The following SPAST variants were observed in gnomAD, a reference collection of about 807,000 sequenced individuals.
SPAST encodes spastic paraplegia 4 (autosomal dominant; spastin).
Under a neutral mutation model 76.6 loss-of-function variants are expected in SPAST, and 30 were observed. The ratio of observed to expected loss-of-function variants is 0.39; its 90% CI spans 0.29 to 0.53. The LOEUF is 0.53. Among genes scored for constraint, SPAST ranks in the 20% least tolerant of loss-of-function variants. The pLI is 0.68. For synonymous variants in SPAST, 305 were observed against 281.0 expected, an observed-to-expected ratio of 1.09 and a Z score of -0.86; for missense variants, 717 against 770.5, an observed-to-expected ratio of 0.93 and a Z score of 0.82.
intron 12 of SPAST, among the ~76,000 whole-genome samples, chr2:32,138,148 A>C (rs1260554467): frequency 6.6e-6 from 1 of 152,194 alleles, no homozygotes; most frequent in East Asian, 1.9e-4. Flanking sequence ...TTTTGGTATA[A>C]TGATCTATTT....
intron 7 of SPAST, chr2:32,126,715 G>C: frequency 4.6e-6 from 2 of 432,070 alleles, no homozygotes. Context: ...TTGAACTCTT[G>C]GGCTCATGTA....
chr2:32,080,538 G>A (rs938891459), intron 1 of SPAST, among the ~76,000 whole-genome samples: 1 of 151,714 alleles, frequency 6.6e-6, no homozygotes, highest in African/African-American at 2.4e-5. Flanking sequence ...GAATTTGAGT[G>A]TTATATGGGG....
At chr2:32,093,218 GGA>G (rs1188662117) in intron 3 of SPAST, among the ~76,000 whole-genome samples, 21 of 149,420 alleles carry the variant, frequency 1.4e-4, no homozygotes, top group African/African-American at 4.7e-4. Flanking sequence ...GGCTGAGGAA[GGA>G]GAATGGCGTG....
chr2:32,077,001 A>G (rs1676988106), intron 1 of SPAST, among the ~76,000 whole-genome samples: 1 of 151,616 alleles, frequency 6.6e-6, no homozygotes, highest in Admixed American at 6.6e-5. Context: ...TCAGCCTCCC[A>G]AGTAGCTGGA....
chr2:32,151,766 C>T (rs1319455236), intron 16 of SPAST, among the ~76,000 whole-genome samples: 4 of 152,082 alleles, frequency 2.6e-5, no homozygotes, highest in East Asian at 3.9e-4. Flanking sequence ...AAAAATTAGC[C>T]GGGCGTGGTG....
At position 32,116,103 on chromosome 2, in the gene SPAST, A is replaced by T. The variant is rs1214683197; in HGVS notation, c.1005-16A>T. ...CCTGTTTGTATCGTAGAACTAACTG[A>T]GGTCTTGTTTCTTAGTGGAACAGCT... On this transcript the variant is annotated splice_polypyrimidine_tract_variant and intron_variant, in intron 6 of 16. Transcript: ENST00000315285. The T allele has an allele frequency of 1.3e-6, 2 of 1,581,054 alleles. No homozygotes were observed. Among genetic ancestry groups the T allele is most frequent in the Non-Finnish European group, 1.7e-6 (2 of 1,150,076 alleles).
At chr2:32,080,791 T>TC (rs1475300442) in intron 1 of SPAST, among the ~76,000 whole-genome samples, 1 of 125,758 alleles carries the variant, frequency 8.0e-6, no homozygotes, top group Admixed American at 8.1e-5. Flanking sequence ...TTCTTTTTTT[T>TC]TTTTTTTTTT....
chr2:32,149,234 C>A (rs555619186), intron 16 of SPAST, among the ~76,000 whole-genome samples: 231 of 148,734 alleles, frequency 1.6e-3, no homozygotes, highest in Non-Finnish European at 2.9e-3. Flanking sequence ...AGATTACAGG[C>A]ATGGGCCACC....
chr2:32,154,036 T>G (rs552543863), intron 16 of SPAST, among the ~76,000 whole-genome samples: 21 of 152,286 alleles, frequency 1.4e-4, no homozygotes, highest in African/African-American at 4.6e-4. Context: ...GTGGTGAAAT[T>G]GTGATTCTTT....
In SPAST at chr2:32,157,285, T is replaced by C. The variant is rs926662289; in HGVS notation, c.*2789T>C. ...TCCAGATATCTTAAGGGTAAAAGCT[T>C]ATTCTAAGACAGTCTGTCCATTGAG... On this transcript the variant is annotated 3_prime_UTR_variant, in exon 17 of 17. Coordinates refer to ENST00000315285, the MANE Select transcript of SPAST (RefSeq NM_014946.4). 8 of 152,614 alleles carry C rather than the reference T, an allele frequency of 5.2e-5. No individual in the cohort carries two copies. The highest frequency in any genetic ancestry group is 9.6e-5 in the African/African-American group (4 of 41,452). The allele number at this position is 152,614 out of a possible 1,614,324, so 9.5% of individuals were successfully genotyped here.
chr2:32,079,920 C>T (rs1057267274), intron 1 of SPAST, among the ~76,000 whole-genome samples: 1 of 152,034 alleles, frequency 6.6e-6, no homozygotes, highest in African/African-American at 2.4e-5. Context: ...CTGTTTAAGT[C>T]CCGGCTTTCA....
At chr2:32,134,731 T>C (rs1679479872) in intron 9 of SPAST, among the ~76,000 whole-genome samples, 1 of 152,198 alleles carries the variant, frequency 6.6e-6, no homozygotes, top group Non-Finnish European at 1.5e-5. Flanking sequence ...GTCTCACTTT[T>C]TCGCCCCAGG....
At chr2:32,133,246 A>G (rs1248949549) in intron 9 of SPAST, among the ~76,000 whole-genome samples, 2 of 152,234 alleles carry the variant, frequency 1.3e-5, no homozygotes, top group African/African-American at 4.8e-5. Flanking sequence ...TGTTTATTGA[A>G]TAACTAACAT....
chr2:32,147,954 C>T (rs1296367326), intron 16 of SPAST, among the ~76,000 whole-genome samples: 4 of 107,860 alleles, frequency 3.7e-5, no homozygotes, highest in Admixed American at 1.1e-4. Flanking sequence ...TTTTTTGAGA[C>T]ACAGGGTCTT....
At chr2:32,124,830 T>C (rs1448747940) in intron 7 of SPAST, among the ~76,000 whole-genome samples, 3 of 152,212 alleles carry the variant, frequency 2.0e-5, no homozygotes, top group African/African-American at 7.2e-5. Flanking sequence ...TATGATGTTT[T>C]GGAAAAGGCA....
intron 9 of SPAST, 38 bp from the exon 10 acceptor site, chr2:32,136,525 G>T (rs1200224883): frequency 4.3e-6 from 6 of 1,389,598 alleles, no homozygotes; most frequent in Non-Finnish European, 5.1e-6. Flanking sequence ...GAATAATGTT[G>T]CATTTTATGT....
intron 1 of SPAST, among the ~76,000 whole-genome samples, chr2:32,066,683 G>T (rs1022799450): frequency 6.6e-6 from 1 of 151,438 alleles, no homozygotes; most frequent in African/African-American, 2.4e-5. Flanking sequence ...AAAAAAGTAG[G>T]TCATTTTTGG....
At chr2:32,153,259 G>T (rs1388322171) in intron 16 of SPAST, among the ~76,000 whole-genome samples, 1 of 151,064 alleles carries the variant, frequency 6.6e-6, no homozygotes. Context: ...CAAAATACAG[G>T]TATACGCTAG....
intron 4 of SPAST, among the ~76,000 whole-genome samples, chr2:32,101,119 C>A (rs1234308568): frequency 6.6e-6 from 1 of 152,140 alleles, no homozygotes; most frequent in Non-Finnish European, 1.5e-5. Context: ...CTCTCCAGCA[C>A]CTGTTGTTTC....
Sources: allele counts gnomAD v4.1 joint callset (sites outside exome capture counted in the v4.1 genomes callset), GRCh38; gene constraint gnomAD v4.1.1; transcripts MANE v1.5; gene names NCBI Gene and HGNC (gene_info 2026-07-23, HGNC 2026-07-21).